PTPN12: variants seen among roughly 807,000 people sequenced by gnomAD.
PTPN12 encodes the protein protein tyrosine phosphatase non-receptor type 12, also known as tyrosine-protein phosphatase non-receptor type 12.
A neutral mutation model predicts 97.6 loss-of-function variants in PTPN12; 29 were observed. That is an observed-to-expected ratio of 0.30 (90% CI 0.22 to 0.41). PTPN12 has a LOEUF of 0.41. Ranked by LOEUF, PTPN12 falls within the 10% of genes least tolerant of loss-of-function variation. The pLI is 1.00. For missense variants in PTPN12, 819 were observed against 926.0 expected, an observed-to-expected ratio of 0.88 and a Z score of 1.50; for synonymous variants, 327 against 300.4, an observed-to-expected ratio of 1.09 and a Z score of -0.91.
intron 9 of PTPN12, among the ~76,000 whole-genome samples, chr7:77,608,042 A>G (rs747847758): frequency 1.3e-5 from 2 of 152,226 alleles, no homozygotes; most frequent in Non-Finnish European, 2.9e-5. Flanking sequence ...GGCGTGAGCT[A>G]CGGTGCCTGG....
intron 5 of PTPN12, among the ~76,000 whole-genome samples, chr7:77,589,783 AAG>A (rs1409402271): frequency 2.6e-5 from 4 of 152,172 alleles, no homozygotes; most frequent in African/African-American, 9.7e-5. Context: ...TCAATTGTCT[AAG>A]AGAATTTAAA....
chr7:77,606,014 G>T (rs189991095), intron 8 of PTPN12, among the ~76,000 whole-genome samples: 1 of 126,644 alleles, frequency 7.9e-6, no homozygotes, highest in African/African-American at 3.1e-5. Flanking sequence ...GAGTGCAATG[G>T]CACGATCTTG....
chr7:77,597,442 A>G (rs1374679505), intron 6 of PTPN12, among the ~76,000 whole-genome samples: 1 of 152,194 alleles, frequency 6.6e-6, no homozygotes, highest in Non-Finnish European at 1.5e-5. Context: ...TATAGTTTGA[A>G]TCATACAGTA....
rs1468460796 is a variant in PTPN12 at position 77,537,536 on chromosome 7, G to A, written c.-11G>A. ...GGGGGCCAGCGACCGCAGCCGGGGG[G>A]ACGCGGGAGGATGGAGCAAGTGGAG... On this transcript the variant is annotated 5_prime_UTR_variant, in exon 1 of 18. Transcript: ENST00000248594. 1.9e-6 allele frequency: 3 copies of A among 1,586,626 alleles called. No homozygotes were observed. Among genetic ancestry groups the A allele is most frequent in the East Asian group, 2.4e-5 (1 of 42,146 alleles).
intron 1 of PTPN12, among the ~76,000 whole-genome samples, chr7:77,555,732 G>A (rs1807679148): frequency 6.6e-6 from 1 of 152,090 alleles, no homozygotes. Flanking sequence ...GGCTAACACG[G>A]TGAAACCCCA....
chr7:77,595,052 A>T (rs1787981858), intron 6 of PTPN12, among the ~76,000 whole-genome samples: 1 of 152,252 alleles, frequency 6.6e-6, no homozygotes, highest in Non-Finnish European at 1.5e-5. Flanking sequence ...TCACAAAGAA[A>T]AAACAAAACA....
At chr7:77,631,188 A>G (rs773239570) in intron 13 of PTPN12, among the ~76,000 whole-genome samples, 2 of 152,170 alleles carry the variant, frequency 1.3e-5, no homozygotes, top group Non-Finnish European at 2.9e-5. Context: ...TGGATAAGGT[A>G]GATAGTTCTT....
chr7:77,604,482 G>T (rs1788295137), intron 8 of PTPN12, among the ~76,000 whole-genome samples: 1 of 151,998 alleles, frequency 6.6e-6, no homozygotes, highest in South Asian at 2.1e-4. Flanking sequence ...CCAAAGTGCT[G>T]GGATTACAGG....
intron 1 of PTPN12, among the ~76,000 whole-genome samples, chr7:77,553,119 A>G (rs1807554542): frequency 6.6e-6 from 1 of 152,122 alleles, no homozygotes; most frequent in Admixed American, 6.6e-5. Flanking sequence ...CTACATCCAA[A>G]ATTTTTTGAG....
intron 13 of PTPN12, among the ~76,000 whole-genome samples, chr7:77,628,587 T>G (rs1431389433): frequency 6.7e-6 from 1 of 150,358 alleles, no homozygotes; most frequent in Non-Finnish European, 1.5e-5. Flanking sequence ...AGACTTGCAC[T>G]CAAAAGATTT....
chr7:77,539,131 C>T (rs564124103), intron 1 of PTPN12, among the ~76,000 whole-genome samples: 11 of 152,086 alleles, frequency 7.2e-5, no homozygotes, highest in African/African-American at 2.2e-4. Flanking sequence ...TACTTTTTCA[C>T]GTTTTAAAGA....
intron 9 of PTPN12, among the ~76,000 whole-genome samples, 197 bp downstream of exon 9, chr7:77,607,498 C>G (rs768965354): frequency 1.3e-5 from 2 of 152,100 alleles, no homozygotes; most frequent in African/African-American, 2.4e-5. Context: ...TTTGGGAGGC[C>G]AAGGTGGGAG....
At chr7:77,538,613 T>C (rs1248203657) in intron 1 of PTPN12, among the ~76,000 whole-genome samples, 1 of 151,824 alleles carries the variant, frequency 6.6e-6, no homozygotes, top group Non-Finnish European at 1.5e-5. Flanking sequence ...GTTAAAAGTC[T>C]TGTTCATGAA....
chr7:77,576,465 C>T (rs377624951), intron 2 of PTPN12, among the ~76,000 whole-genome samples: 4 of 151,962 alleles, frequency 2.6e-5, no homozygotes, highest in East Asian at 3.9e-4. Context: ...TTTGGGAGGC[C>T]GAAGCGGGCA....
intron 2 of PTPN12, among the ~76,000 whole-genome samples, chr7:77,579,049 C>A (rs751582547): frequency 1.3e-5 from 2 of 152,048 alleles, no homozygotes; most frequent in Non-Finnish European, 2.9e-5. Flanking sequence ...TTCATAACTT[C>A]GTTCCAGTCA....
chr7:77,602,875 G>A (rs1788233302), intron 8 of PTPN12, among the ~76,000 whole-genome samples: 2 of 152,034 alleles, frequency 1.3e-5, no homozygotes, highest in African/African-American at 2.4e-5. Flanking sequence ...ATTCACATTT[G>A]TTATAAAAAG....
intron 4 of PTPN12, 96 bp from the exon 5 acceptor site, chr7:77,585,447 C>G: frequency 9.5e-7 from 1 of 1,053,344 alleles, no homozygotes; most frequent in African/African-American, 1.6e-5. Context: ...AATTATACTT[C>G]TCGGTGCAAA....
At chr7:77,567,210 A>C (rs1197604538) in intron 1 of PTPN12, among the ~76,000 whole-genome samples, 2 of 151,056 alleles carry the variant, frequency 1.3e-5, no homozygotes, top group Non-Finnish European at 3.0e-5. Context: ...AAAAAAAAAA[A>C]CCTGCTCTAG....
intron 9 of PTPN12, 143 bp downstream of exon 9, chr7:77,607,444 T>C: frequency 1.6e-6 from 1 of 633,182 alleles, no homozygotes; most frequent in Non-Finnish European, 2.6e-6. Flanking sequence ...GAAATAAAGG[T>C]AGTGAAGGCC....
Sources: allele counts gnomAD v4.1 joint callset (sites outside exome capture counted in the v4.1 genomes callset), GRCh38; gene constraint gnomAD v4.1.1; transcripts MANE v1.5; gene names NCBI Gene and HGNC (gene_info 2026-07-23, HGNC 2026-07-21).